The following CREB1 variants were observed in gnomAD, a reference collection of about 807,000 sequenced individuals.
CREB1 encodes cAMP responsive element binding protein 1.
A neutral mutation model predicts 42.0 loss-of-function variants in CREB1; 2 were observed. The ratio of observed to expected loss-of-function variants is 0.05; its 90% CI spans 0.02 to 0.15. CREB1 has a LOEUF of 0.15. Among genes scored for constraint, CREB1 ranks in the 10% least tolerant of loss-of-function variants. The pLI is 1.00. For synonymous variants in CREB1, 123 were observed against 139.9 expected, an observed-to-expected ratio of 0.88 and a Z score of 0.85; for missense variants, 199 against 388.9, an observed-to-expected ratio of 0.51 and a Z score of 4.11.
chr2:207,532,253 G>T (rs1229990976), intron 1 of CREB1, among the ~76,000 whole-genome samples: 1 of 151,820 alleles, frequency 6.6e-6, no homozygotes, highest in Non-Finnish European at 1.5e-5. Flanking sequence ...TACTCGGGGG[G>T]CTGGGGTTGC....
At chr2:207,594,080 A>G (rs2085632012) in intron 7 of CREB1, among the ~76,000 whole-genome samples, 1 of 152,202 alleles carries the variant, frequency 6.6e-6, no homozygotes, top group South Asian at 2.1e-4. Flanking sequence ...CAGTCAGGAA[A>G]TTAAGGTTAA....
chr2:207,605,513 A>G lies in CREB1; in HGVS notation c.*8455A>G, dbSNP rs1253374875. Among the ~76,000 whole-genome samples the G allele has an allele frequency of 6.6e-6, 1 of 152,148 alleles. No individual in the cohort carries two copies. Among genetic ancestry groups the G allele is most frequent in the Non-Finnish European group, 1.5e-5 (1 of 68,040 alleles). ...ATTGTTTTCAAACTTACTTTATGTA[A>G]TATGTACACTTCTAAAAAAAAGAAA... On this transcript the variant is annotated 3_prime_UTR_variant, in exon 8 of 8. Coordinates refer to ENST00000353267, the MANE Select transcript of CREB1 (RefSeq NM_004379.5).
intron 7 of CREB1, among the ~76,000 whole-genome samples, chr2:207,593,109 C>A (rs1369827308): frequency 6.6e-6 from 1 of 152,192 alleles, no homozygotes; most frequent in East Asian, 1.9e-4. Context: ...CAAACATATT[C>A]TTTATCTCCA....
chr2:207,555,418 T>C (rs2081678008), intron 1 of CREB1, among the ~76,000 whole-genome samples: 1 of 152,210 alleles, frequency 6.6e-6, no homozygotes, highest in South Asian at 2.1e-4. Flanking sequence ...AATGTTTTTT[T>C]CTTCTTTGAA....
intron 7 of CREB1, among the ~76,000 whole-genome samples, chr2:207,584,110 A>C (rs1057235447): frequency 1.8e-4 from 28 of 152,266 alleles, no homozygotes; most frequent in African/African-American, 6.5e-4. Context: ...AGAGAAATAA[A>C]GTTACTATCA....
Position 207,560,310 on chromosome 2 carries a change from C to T in CREB1, c.199C>T (p.His67Tyr). ...QLPNGQTVQV[H>Y]GVIQAAQPSV... ...GCCCAATGGGCAGACAGTTCAAGTC[C>T]ATGGAGTCATTCAGGCGGCCCAGCC... Residue 67 changes from histidine (H) to tyrosine (Y), a missense_variant, in exon 3 of 8, where the codon CAT (histidine) becomes TAT (tyrosine). Physicochemically the swap from His to Tyr is moderately conservative, Grantham distance 83. Coordinates refer to ENST00000353267, the MANE Select transcript of CREB1 (RefSeq NM_004379.5). The T allele has an allele frequency of 6.2e-7, 1 of 1,614,036 alleles. No homozygotes were observed. Among genetic ancestry groups the T allele is most frequent in the Non-Finnish European group, 8.5e-7 (1 of 1,179,934 alleles).
intron 3 of CREB1, among the ~76,000 whole-genome samples, chr2:207,562,237 G>A (rs1457913270): frequency 6.6e-6 from 1 of 152,112 alleles, no homozygotes; most frequent in Non-Finnish European, 1.5e-5. Flanking sequence ...TCCAGACCCA[G>A]TTTGGACATT....
Position 207,581,949 on chromosome 2 carries a change from A to G in CREB1, c.839+4294A>G, listed in dbSNP as rs560264106. On this transcript the variant is annotated intron_variant, in intron 7 of 7. Transcript: ENST00000353267. ...AGTTTGCATTTGTCCAGTGTTTTCT[A>G]TGGATAGATTGAGATAATAGGTTTT... 23 of 702,746 alleles carry G rather than the reference A, an allele frequency of 3.3e-5. 1 individual carries two copies. The highest frequency in any genetic ancestry group is 3.0e-4 in the South Asian group (20 of 67,542). 43.5% of individuals were successfully genotyped at this position (702,746 alleles called of 1,614,324 possible).
intron 7 of CREB1, among the ~76,000 whole-genome samples, chr2:207,585,829 C>T (rs185909752): frequency 2.9e-4 from 44 of 152,096 alleles, no homozygotes; most frequent in African/African-American, 8.4e-4. Flanking sequence ...TAAAATAACC[C>T]AGTCAAACAC....
At chr2:207,530,348 C>T (rs2080541093) in intron 1 of CREB1, among the ~76,000 whole-genome samples, 1 of 150,112 alleles carries the variant, frequency 6.7e-6, no homozygotes, top group Non-Finnish European at 1.5e-5. Flanking sequence ...GCCGGGGCGG[C>T]AGCGACTCTG....
At chr2:207,577,686 T>C (rs751128285) in intron 7 of CREB1, 31 bp downstream of exon 7, 19 of 1,610,284 alleles carry the variant, frequency 1.2e-5, no homozygotes, top group Non-Finnish European at 1.6e-5. Context: ...TAGATTGTTA[T>C]GTGTTAAGTG....
At chr2:207,591,960 A>G (rs2085125798) in intron 7 of CREB1, among the ~76,000 whole-genome samples, 2 of 152,154 alleles carry the variant, frequency 1.3e-5, no homozygotes, top group East Asian at 1.9e-4. Context: ...ATTTCCTTAT[A>G]TAAATCCATG....
chr2:207,550,214 G>A (rs2081451337), intron 1 of CREB1: 1 of 152,084 alleles, frequency 6.6e-6, no homozygotes, highest in Non-Finnish European at 1.5e-5. Context: ...AGACTTTGGA[G>A]TTCTGCCATG....
chr2:207,576,241 C>CTTTTTTTTTTTTTTTTT (rs35735523), intron 6 of CREB1, among the ~76,000 whole-genome samples: 5 of 101,066 alleles, frequency 4.9e-5, no homozygotes, highest in African/African-American at 1.1e-4. Context: ...CTTTTTTTGG[C>CTTTTTTTTTTTTTTTTT]TTTTTTTTTT....
intron 7 of CREB1, among the ~76,000 whole-genome samples, chr2:207,578,228 G>A (rs1422084170): frequency 6.6e-6 from 1 of 152,106 alleles, no homozygotes; most frequent in East Asian, 1.9e-4. Context: ...TTCAAAATCT[G>A]TGAAATGTTG....
rs2087491944 is a variant in CREB1, at chr2:207,603,515, T to G, written c.*6457T>G. ...AGTGTGAAGCCATGTTTTATTGGAC[T>G]TAAAGTTACAATATATTACAAGCTT... On this transcript the variant is annotated 3_prime_UTR_variant, in exon 8 of 8. Coordinates refer to ENST00000353267, the MANE Select transcript of CREB1 (RefSeq NM_004379.5). 4.4e-6 allele frequency: 1 copy of G among 224,736 alleles called. No individual in the cohort carries two copies. Among genetic ancestry groups the G allele is most frequent in the African/African-American group, 2.2e-5 (1 of 44,886 alleles). The allele number at this position is 224,736 out of a possible 1,614,324, so 13.9% of individuals were successfully genotyped here. A position where few individuals can be genotyped will look rare whatever the true frequency, so the allele number is the denominator to read the frequency against.
chr2:207,561,036 G>T (rs2081939441), intron 3 of CREB1: 5 of 1,206,868 alleles, frequency 4.1e-6, no homozygotes, highest in South Asian at 2.4e-5. Context: ...CATTGCAATT[G>T]AGCTTATTGA....
At chr2:207,544,765 G>A (rs531237064) in intron 1 of CREB1, among the ~76,000 whole-genome samples, 14 of 151,144 alleles carry the variant, frequency 9.3e-5, no homozygotes, top group Non-Finnish European at 1.0e-4. Context: ...CCCAACCACC[G>A]ATGTGTCCAT....
At chr2:207,546,554 C>T (rs1042883564) in intron 1 of CREB1, among the ~76,000 whole-genome samples, 17 of 151,884 alleles carry the variant, frequency 1.1e-4, no homozygotes, top group African/African-American at 3.4e-4. Context: ...TTGTGAAACC[C>T]CATCTCTACT....
Sources: allele counts gnomAD v4.1 joint callset (sites outside exome capture counted in the v4.1 genomes callset), GRCh38; gene constraint gnomAD v4.1.1; transcripts MANE v1.5; gene names NCBI Gene and HGNC (gene_info 2026-07-23, HGNC 2026-07-21).